The following IL18R1 variants were observed in gnomAD, a reference collection of about 807,000 sequenced individuals.
IL18R1 encodes interleukin-18 receptor 1.
A neutral mutation model predicts 48.5 loss-of-function variants in IL18R1; 40 were observed. The observed-to-expected ratio is 0.82, with a 90% CI of 0.64 to 1.07. The LOEUF is 1.07. Among genes scored for constraint, IL18R1 ranks in the 50% least tolerant of loss-of-function variants. The probability of loss-of-function intolerance (pLI) is 0.00; values close to 1 mark genes in which losing one functional copy is unlikely to be tolerated. For missense variants in IL18R1, 596 were observed against 633.7 expected (o/e 0.94, Z 0.64); for synonymous variants, 232 against 225.9 (o/e 1.03, Z -0.24).
intron 3 of IL18R1, 149 bp from the exon 4 acceptor site, chr2:102,371,804 G>A (rs181863792): frequency 2.5e-4 from 141 of 567,800 alleles, no homozygotes; most frequent in Non-Finnish European, 2.8e-4. Context: ...TGAATCAAGC[G>A]GAGGCAGAGC....
chr2:102,376,491 A>C (rs1679593729), intron 5 of IL18R1, among the ~76,000 whole-genome samples: 1 of 152,198 alleles, frequency 6.6e-6, no homozygotes, highest in Non-Finnish European at 1.5e-5. Context: ...TAATCAGGAG[A>C]GGCAATAAGC....
rs559097024 is a variant in IL18R1 at position 102,363,794 on chromosome 2, G to A, written c.58+1076G>A. Among the ~76,000 whole-genome samples, 14 of 152,322 alleles carry A rather than the reference G, an allele frequency of 9.2e-5. 1 individual carries two copies. In the South Asian group the frequency reaches 2.9e-3, roughly 32 times the overall value. ...CATGTAGGATTCACTGAACCTAGTT[G>A]AGTTTAAATGACAAAATGCTATGAT... On this transcript the variant is annotated intron_variant, in intron 2 of 10. Transcript: ENST00000233957.
intron 3 of IL18R1, among the ~76,000 whole-genome samples, chr2:102,369,249 A>G (rs1049835485): frequency 5.6e-4 from 86 of 152,240 alleles, no homozygotes; most frequent in African/African-American, 2.0e-3. Flanking sequence ...GGAATAAAGT[A>G]TTCTGGACAG....
chr2:102,391,303 AT>A (rs1680558272), intron 9 of IL18R1, among the ~76,000 whole-genome samples: 4 of 152,194 alleles, frequency 2.6e-5, no homozygotes, highest in African/African-American at 9.7e-5. Context: ...CCAAATATCA[AT>A]ACAGATTCTT....
rs991537522 is a variant in IL18R1 at position 102,398,387 on chromosome 2, C to T, written c.*1501C>T. Reference sequence around the variant, plus strand: ...ATGAATGTTCTACAAAAGTTTAAAGCAGAGATTGTTTCAAATGGGTGTAGT... The same window carrying T: ...ATGAATGTTCTACAAAAGTTTAAAGTAGAGATTGTTTCAAATGGGTGTAGT... On this transcript the variant is annotated 3_prime_UTR_variant, in exon 11 of 11. Transcript: ENST00000233957. The T allele has an allele frequency of 6.6e-6, 1 of 152,306 alleles. No individual in the cohort carries two copies. The highest frequency in any genetic ancestry group is 2.4e-5 in the African/African-American group (1 of 41,416). 9.4% of individuals were successfully genotyped at this position (152,306 alleles called of 1,614,324 possible).
At chr2:102,371,638 T>G (rs979647255) in intron 3 of IL18R1, among the ~76,000 whole-genome samples, 1 of 152,162 alleles carries the variant, frequency 6.6e-6, no homozygotes, top group Non-Finnish European at 1.5e-5. Context: ...ATCACTGACA[T>G]TGTAAAGATT....
chr2:102,370,834 C>T (rs193143701), intron 3 of IL18R1, among the ~76,000 whole-genome samples: 1 of 152,280 alleles, frequency 6.6e-6, no homozygotes, highest in Non-Finnish European at 1.5e-5. Context: ...TCCTTCTATC[C>T]TATTGTAGAC....
Position 102,384,956 on chromosome 2 carries a change from G to T in IL18R1, c.767G>T (p.Gly256Val). The T allele has an allele frequency of 1.2e-6, 2 of 1,606,342 alleles. No homozygotes were observed. The highest frequency in any genetic ancestry group is 1.7e-6 in the Non-Finnish European group (2 of 1,173,362). Residue 256 changes from glycine to valine, a missense_variant, in exon 7 of 11, where the codon GGA becomes GTA. Coordinates refer to ENST00000233957, the MANE Select transcript of IL18R1 (RefSeq NM_003855.5). The part of the protein sequence containing the change: ...VIYWMFGEEN[G>V]SDPNIHEEKE... ...TATTGGATGTTCGGGGAAGAAAATG[G>T]ATCGGATCCTAATATACATGAAGAG... is the stretch of plus-strand genomic sequence containing the variant.
In IL18R1 at chr2:102,368,018, G is replaced by A. The variant is rs181278302; in HGVS notation, c.252G>A (p.Glu84=). The A allele has an allele frequency of 3.7e-6, 6 of 1,614,206 alleles. No homozygotes were observed. Among genetic ancestry groups the A allele is most frequent in the East Asian group, 4.5e-5 (2 of 44,874 alleles). Residue 84 remains glutamate, a synonymous_variant, in exon 3 of 11, where the codon GAG becomes GAA. Transcript: ENST00000233957. Reference sequence around the variant, plus strand: ...TTGCTTTGCATGATTGTGTTTTGGAGTTTTGGCCAGTTGAGTTGAATGACA... The same window carrying A: ...TTGCTTTGCATGATTGTGTTTTGGAATTTTGGCCAGTTGAGTTGAATGACA... ...SRIALHDCVL[E]FWPVELNDTG...
Position 102,375,985 on chromosome 2 carries a change from T to A in IL18R1, c.547T>A (p.Tyr183Asn), listed in dbSNP as rs1167041232. 2.5e-6 allele frequency: 4 copies of A among 1,609,646 alleles called. No homozygotes were observed. The highest frequency in any genetic ancestry group is 3.4e-6 in the Non-Finnish European group (4 of 1,178,314). Residue 183 changes from tyrosine (Y) to asparagine (N), a missense_variant, in exon 5 of 11, where the codon TAC becomes AAC. Tyr to Asn is a moderately radical substitution (Grantham distance 143). Around this residue, in one of 3 missense-constraint regions of IL18R1, gnomAD observed 360 missense variants for 339.4 expected, o/e 1.06. Transcript: ENST00000233957. ...CGCCGAGTTTGAAGATCAGGGGTAT[T>A]ACTCCTGCGTGCATTTCCTTCATCA... ...KNAEFEDQGY[Y>N]SCVHFLHHNG...
chr2:102,371,961 C>G lies in IL18R1; in HGVS notation c.311C>G (p.Thr104Ser). Residue 104 changes from threonine to serine, a missense_variant, in exon 4 of 11, where the codon ACT (threonine) becomes AGT (serine). Thr to Ser is a moderately conservative substitution (Grantham distance 58, BLOSUM62 1). Around this residue, in one of 3 missense-constraint regions of IL18R1, gnomAD observed 360 missense variants for 339.4 expected, o/e 1.06. Transcript: ENST00000233957. ...GSYFFQMKNY[T>S]QKWKLNVIRR... is the part of the protein sequence containing the mutation. ...ACACTTTTATTCCATAGAAATTATA[C>G]TCAGAAATGGAAATTAAATGTCATC... The G allele has an allele frequency of 2.6e-6, 4 of 1,527,856 alleles. No individual in the cohort carries two copies. The highest frequency in any genetic ancestry group is 4.6e-5 in the East Asian group (2 of 43,908). The allele number at this position is 1,527,856 out of a possible 1,614,324, so 94.6% of individuals were successfully genotyped here.
intron 2 of IL18R1, among the ~76,000 whole-genome samples, chr2:102,365,816 C>T (rs13006323): frequency 1.3e-5 from 2 of 152,158 alleles, no homozygotes; most frequent in African/African-American, 2.4e-5. Flanking sequence ...CATGTGGAAG[C>T]TGCCAAGGTT....
intron 9 of IL18R1, among the ~76,000 whole-genome samples, chr2:102,392,379 T>C (rs1459985407): frequency 6.6e-6 from 1 of 152,220 alleles, no homozygotes; most frequent in Non-Finnish European, 1.5e-5. Flanking sequence ...AGCTCCTCTC[T>C]TTCTGACTTT....
intron 4 of IL18R1, chr2:102,374,024 AC>A: frequency 2.6e-6 from 1 of 383,632 alleles, no homozygotes; most frequent in African/African-American, 2.1e-5. Context: ...ATTATATATT[AC>A]AGTGTAATAA....
rs777921680 is a variant in IL18R1, at chr2:102,384,892, C to T, written c.703C>T (p.Leu235Phe). ...VAVELGKNVR[L>F]NCSALLNEED... ...ACTTTTACCAGGAAAAAACGTAAGG[C>T]TCAACTGCTCTGCTTTGCTGAATGA... Residue 235 changes from leucine to phenylalanine, a missense_variant, in exon 7 of 11, where the codon CTC becomes TTC. This residue lies in a region of IL18R1 where 360 missense variants were observed against 339.4 expected (regional missense o/e 1.06). Coordinates refer to ENST00000233957, the MANE Select transcript of IL18R1 (RefSeq NM_003855.5). The T allele has an allele frequency of 4.4e-6, 7 of 1,608,616 alleles. No homozygotes were observed. The East Asian group carries it at 1.3e-4, about 31-fold the overall frequency.
intron 3 of IL18R1, among the ~76,000 whole-genome samples, chr2:102,370,355 G>A (rs1239304036): frequency 2.6e-5 from 4 of 152,214 alleles, no homozygotes; most frequent in Admixed American, 6.5e-5. Flanking sequence ...TAAGCAACAA[G>A]TCATAGAGAT....
chr2:102,360,847 T>C (rs1465783400), intron 1 of IL18R1, among the ~76,000 whole-genome samples: 1 of 152,256 alleles, frequency 6.6e-6, no homozygotes, highest in Non-Finnish European at 1.5e-5. Flanking sequence ...TAATACTTGC[T>C]AGAGTATCTG....
rs780467339 is a variant in IL18R1 at position 102,396,608 on chromosome 2, A to G, written c.1348A>G (p.Asn450Asp). The change falls in exon 11 of 11, where the codon AAT becomes GAT. Residue 450 changes from asparagine (N) to aspartate (D), a missense_variant. By Grantham distance (23) the Asn-to-Asp change is conservative (BLOSUM62 1). Coordinates refer to ENST00000233957, the MANE Select transcript of IL18R1 (RefSeq NM_003855.5). ...IIVLSKSYMS[N>D]EVRYELESGL... ...TGTCCTAAGTAAAAGTTATATGTCT[A>G]ATGAGGTCAGGTATGAACTTGAAAG... 6.2e-7 allele frequency: 1 copy of G among 1,613,640 alleles called. No homozygotes were observed. The highest frequency in any genetic ancestry group is 8.5e-7 in the Non-Finnish European group (1 of 1,179,574).
At chr2:102,368,439 G>A (rs1214888623) in intron 3 of IL18R1, among the ~76,000 whole-genome samples, 1 of 152,182 alleles carries the variant, frequency 6.6e-6, no homozygotes, top group Non-Finnish European at 1.5e-5. Flanking sequence ...TGCGAATGGG[G>A]CAGTGTCAGC....
Sources: gnomAD v4.1 joint callset for allele counts (sites outside exome capture counted in the v4.1 genomes callset) on GRCh38, gnomAD v4.1.1 for gene constraint, gnomAD v4.1.1 regional missense constraint, MANE v1.5 for transcripts, NCBI Gene and HGNC (gene_info 2026-07-23, HGNC 2026-07-21) for gene names.